Variants in NEMP1 observed in about 807,000 individuals in gnomAD.
The protein encoded by NEMP1 is transmembrane protein 194.
A neutral mutation model predicts 53.7 loss-of-function variants in NEMP1; 29 were observed. The ratio of observed to expected loss-of-function variants is 0.54; its 90% CI spans 0.40 to 0.74. The LOEUF (loss-of-function observed/expected upper bound fraction) is 0.74, where lower values mean the gene tolerates loss of function less well. Ranked by LOEUF, NEMP1 falls within the 30% of genes least tolerant of loss-of-function variation. NEMP1 has a pLI of 0.00. For synonymous variants in NEMP1, 193 were observed against 192.9 expected (o/e 1.00, Z 0.00); for missense variants, 477 against 528.6 (o/e 0.90, Z 0.96).
intron 1 of NEMP1, among the ~76,000 whole-genome samples, chr12:57,085,871 A>C (rs985513575): frequency 6.6e-6 from 1 of 152,250 alleles, no homozygotes; most frequent in Non-Finnish European, 1.5e-5. Flanking sequence ...CTTTGGGAGT[A>C]AAATCTGTGT....
At chr12:57,069,800 TAC>T (rs1192406659) in intron 3 of NEMP1, among the ~76,000 whole-genome samples, 2 of 149,122 alleles carry the variant, frequency 1.3e-5, no homozygotes, top group African/African-American at 2.5e-5. Flanking sequence ...TACACGCAAA[TAC>T]CTCTCACTCA....
chr12:57,084,867 AG>A (rs956925373), intron 1 of NEMP1, among the ~76,000 whole-genome samples: 1 of 152,220 alleles, frequency 6.6e-6, no homozygotes, highest in Admixed American at 6.5e-5. Context: ...ACAAAATGGT[AG>A]TTTATTTTGT....
rs1223684752 is a variant in NEMP1 at position 57,056,105 on chromosome 12, C to T, written c.*3774G>A. 6.6e-6 allele frequency: 1 copy of T among 152,212 alleles called. No individual in the cohort carries two copies. The highest frequency in any genetic ancestry group is 1.5e-5 in the Non-Finnish European group (1 of 68,040). The allele number at this position is 152,212 out of a possible 1,614,324, so 9.4% of individuals were successfully genotyped here. A position where few individuals can be genotyped will look rare whatever the true frequency, so the allele number is the denominator to read the frequency against. On this transcript the variant is annotated 3_prime_UTR_variant, in exon 9 of 9. Transcript: ENST00000300128. The stretch of plus-strand genomic sequence containing the variant: ...GATGGTGTGGAAATCCAAAGCCCCA[C>T]ATTTTGGGAGTCTGTGACCACTCCC...
chr12:57,069,468 C>CA (rs1384303626), intron 3 of NEMP1, among the ~76,000 whole-genome samples, 162 bp from the exon 4 acceptor site: 1 of 152,138 alleles, frequency 6.6e-6, no homozygotes, highest in Admixed American at 6.5e-5. Context: ...GGCACCCTTC[C>CA]AATGTATAAT....
At chr12:57,079,569 C>G (rs1236280351), upstream of NEMP1, among the ~76,000 whole-genome samples, 1 of 152,164 alleles carries the variant, frequency 6.6e-6, no homozygotes, top group Non-Finnish European at 1.5e-5. Context: ...TATGGATTAG[C>G]TGCTTCCCAT....
At chr12:57,085,801 A>G (rs1016147639) in intron 1 of NEMP1, among the ~76,000 whole-genome samples, 1 of 152,260 alleles carries the variant, frequency 6.6e-6, no homozygotes, top group African/African-American at 2.4e-5. Flanking sequence ...AAACTTTACA[A>G]GGGAAAGAGA....
At chr12:57,071,329 G>C (rs952010724) in intron 2 of NEMP1, among the ~76,000 whole-genome samples, 2 of 152,130 alleles carry the variant, frequency 1.3e-5, no homozygotes, top group African/African-American at 4.8e-5. Context: ...CACTGATTAT[G>C]AGTAAATGTT....
Position 57,059,279 on chromosome 12 carries a change from G to A in NEMP1, c.*600C>T, listed in dbSNP as rs907382986. On this transcript the variant is annotated 3_prime_UTR_variant, in exon 9 of 9. Transcript: ENST00000300128. ...TATTAATAAATATGTAGGGGCCTAGGGGGTGTGTCACTCTGGAGCACTTGC... is the reference window on the plus strand; with the variant it reads ...TATTAATAAATATGTAGGGGCCTAGAGGGTGTGTCACTCTGGAGCACTTGC... The A allele has an allele frequency of 6.6e-6, 1 of 152,190 alleles. No individual in the cohort carries two copies. Among genetic ancestry groups the A allele is most frequent in the East Asian group, 1.9e-4 (1 of 5,198 alleles). The allele number at this position is 152,190 out of a possible 1,614,324, so 9.4% of individuals were successfully genotyped here. A position where few individuals can be genotyped will look rare whatever the true frequency, so the allele number is the denominator to read the frequency against.
intron 1 of NEMP1, among the ~76,000 whole-genome samples, chr12:57,077,669 T>C (rs916809610): frequency 1.3e-5 from 2 of 152,146 alleles, no homozygotes; most frequent in East Asian, 1.9e-4. Context: ...AAATTAAAAA[T>C]ATGTGGAAAA....
intron 1 of NEMP1, among the ~76,000 whole-genome samples, chr12:57,077,585 T>C (rs952654406): frequency 2.6e-5 from 4 of 152,076 alleles, no homozygotes; most frequent in Non-Finnish European, 4.4e-5. Context: ...GAGAAAACTA[T>C]CTCTGGTAAC....
intron 7 of NEMP1, among the ~76,000 whole-genome samples, chr12:57,061,773 G>A (rs565632976): frequency 1.3e-4 from 19 of 151,828 alleles, no homozygotes; most frequent in Non-Finnish European, 1.5e-5. Context: ...GGCCAAGGTG[G>A]GCAGATCACA....
At position 57,064,754 on chromosome 12, in the gene NEMP1, TG is replaced by T; in HGVS notation, c.546-16del. The T allele has an allele frequency of 6.3e-7, 1 of 1,581,550 alleles. No individual in the cohort carries two copies. The highest frequency in any genetic ancestry group is 8.7e-7 in the Non-Finnish European group (1 of 1,152,464). On this transcript the variant is annotated splice_polypyrimidine_tract_variant and intron_variant, in intron 4 of 8. Transcript: ENST00000300128. ...AAATTTGACTTCTGCAGGAAAAAAA[TG>T]TATTTCATGACCATATGTATATATT...
upstream of NEMP1, chr12:57,078,797 C>T (rs759505203): frequency 6.4e-7 from 1 of 1,567,350 alleles, no homozygotes; most frequent in South Asian, 1.2e-5. Flanking sequence ...CAACTAACTC[C>T]GAACGGGCAA....
At chr12:57,082,267 A>T (rs574260734), upstream of NEMP1, among the ~76,000 whole-genome samples, 2 of 152,248 alleles carry the variant, frequency 1.3e-5, no homozygotes, top group African/African-American at 4.8e-5. Context: ...AATAAACTGT[A>T]GACTTTAGTT....
At chr12:57,073,540 A>AG (rs2032457012) in intron 1 of NEMP1, among the ~76,000 whole-genome samples, 1 of 152,096 alleles carries the variant, frequency 6.6e-6, no homozygotes, top group Admixed American at 6.5e-5. Flanking sequence ...GCTACTCGAG[A>AG]GGCTGAGGCA....
At chr12:57,065,875 T>C (rs2032048734) in intron 4 of NEMP1, among the ~76,000 whole-genome samples, 1 of 152,086 alleles carries the variant, frequency 6.6e-6, no homozygotes, top group African/African-American at 2.4e-5. Context: ...AGCTGTAAAC[T>C]TTTCTTCTGA....
chr12:57,078,684 C>G lies in NEMP1; in HGVS notation c.62G>C (p.Gly21Ala), dbSNP rs191983992. The G allele has an allele frequency of 6.2e-7, 1 of 1,613,672 alleles. No homozygotes were observed. The highest frequency in any genetic ancestry group is 1.3e-5 in the African/African-American group (1 of 75,034). ...CCGCACTGTCCCACCGCCCCCGACT[C>G]CCGAGCCCCAGGGCCCGGGACCAAC... ...PAVGPGPWGSGVGGGGTVRLL... is the reference protein window; with the variant it reads ...PAVGPGPWGSAVGGGGTVRLL... The change falls in exon 1 of 9, where the codon GGA (glycine) becomes GCA (alanine). Residue 21 changes from glycine (G) to alanine (A), a missense_variant. Gly to Ala is a moderately conservative substitution (Grantham distance 60). Coordinates refer to ENST00000300128, the MANE Select transcript of NEMP1 (RefSeq NM_001130963.2).
upstream of NEMP1, among the ~76,000 whole-genome samples, chr12:57,082,236 C>A (rs751776591): frequency 9.9e-5 from 15 of 152,038 alleles, no homozygotes; most frequent in South Asian, 2.1e-4. Context: ...ACAACAACAA[C>A]AAAAACTCAA....
intron 1 of NEMP1, among the ~76,000 whole-genome samples, chr12:57,076,018 C>T (rs780547010): frequency 4.0e-5 from 6 of 151,782 alleles, no homozygotes; most frequent in East Asian, 1.9e-4. Flanking sequence ...GTAGGAGAAT[C>T]GCTTGAACCT....
Sources: allele counts gnomAD v4.1 joint callset (sites outside exome capture counted in the v4.1 genomes callset), GRCh38; gene constraint gnomAD v4.1.1; transcripts MANE v1.5; gene names NCBI Gene and HGNC (gene_info 2026-07-23, HGNC 2026-07-21).